The following TTC29 variants were observed in gnomAD, a reference collection of about 807,000 sequenced individuals.
The protein encoded by TTC29 is tetratricopeptide repeat domain 29.
In TTC29, 49 loss-of-function variants were observed where a neutral mutation model predicts 58.1. That is an observed-to-expected ratio of 0.84 (90% CI 0.67 to 1.07). The LOEUF is 1.07. Among genes scored for constraint, TTC29 ranks in the 50% least tolerant of loss-of-function variants. TTC29 has a pLI of 0.00. For missense variants in TTC29, 582 were observed against 555.6 expected (o/e 1.05, Z -0.48); for synonymous variants, 209 against 196.8 (o/e 1.06, Z -0.52).
chr4:146,847,770 G>A (rs375185433), intron 8 of TTC29, among the ~76,000 whole-genome samples: 10 of 152,312 alleles, frequency 6.6e-5, no homozygotes, highest in Admixed American at 3.9e-4. Context: ...CAAATGCATC[G>A]AAAGTTCAGA....
In TTC29 at chr4:146,719,189, G is replaced by GGTGTGTGT. The variant is rs60552473; in HGVS notation, c.1331-11646_1331-11639dup. ...TGCTCATCATTGCCTTGGCTATTGG[G>GGTGTGTGT]GTGTGTGTGTGTGTGTGTGTGTGTG... is the stretch of plus-strand genomic sequence containing the variant. On this transcript the variant is annotated intron_variant, in intron 11 of 12. Transcript: ENST00000325106. 5.4e-3 allele frequency among the ~76,000 whole-genome samples: 780 copies of GGTGTGTGT among 144,170 alleles called. 9 individuals carry two copies. The highest frequency in any genetic ancestry group is 0.018 in the African/African-American group (687 of 38,774). 94.6% of individuals were successfully genotyped at this position (144,170 alleles called of 152,430 possible). A position where few individuals can be genotyped will look rare whatever the true frequency, so the allele number is the denominator to read the frequency against.
At chr4:146,821,679 A>G (rs1751840173) in intron 9 of TTC29, among the ~76,000 whole-genome samples, 1 of 152,212 alleles carries the variant, frequency 6.6e-6, no homozygotes, top group Non-Finnish European at 1.5e-5. Context: ...GCACACATGA[A>G]AGCTAAGCAT....
At chr4:146,939,941 A>T in intron 2 of TTC29, 40 bp from the exon 3 acceptor site, 2 of 1,543,708 alleles carry the variant, frequency 1.3e-6, no homozygotes, top group Non-Finnish European at 1.8e-6. Flanking sequence ...TTTAAGGAAT[A>T]AATCTTTCAA....
intron 6 of TTC29, among the ~76,000 whole-genome samples, chr4:146,886,309 A>C (rs909527889): frequency 6.6e-6 from 1 of 152,100 alleles, no homozygotes. Flanking sequence ...ATGACAAAAA[A>C]CCTGTTAGAA....
At chr4:146,722,580 CCTT>C (rs1438148519) in intron 11 of TTC29, among the ~76,000 whole-genome samples, 2 of 152,086 alleles carry the variant, frequency 1.3e-5, no homozygotes, top group Non-Finnish European at 1.5e-5. Context: ...AAAAAAGACT[CCTT>C]ATTCAATAAA....
At chr4:146,925,097 A>T (rs749141185) in intron 4 of TTC29, among the ~76,000 whole-genome samples, 2 of 152,048 alleles carry the variant, frequency 1.3e-5, no homozygotes, top group Non-Finnish European at 2.9e-5. Flanking sequence ...AAATTGTTTA[A>T]ACATGTTAAA....
At chr4:146,925,706 A>C (rs1396062759) in intron 4 of TTC29, among the ~76,000 whole-genome samples, 1 of 152,174 alleles carries the variant, frequency 6.6e-6, no homozygotes, top group Non-Finnish European at 1.5e-5. Context: ...ATTATAGGAT[A>C]AAAAATTGTT....
rs1030814256 is a variant in TTC29 at position 146,945,022 on chromosome 4, G to A, written c.-7+9C>T. The A allele has an allele frequency of 2.0e-5, 3 of 152,152 alleles. No individual in the cohort carries two copies. Among genetic ancestry groups the A allele is most frequent in the East Asian group, 1.9e-4 (1 of 5,186 alleles). The allele number at this position is 152,152 out of a possible 1,614,324, so 9.4% of individuals were successfully genotyped here. A position where few individuals can be genotyped will look rare whatever the true frequency, so the allele number is the denominator to read the frequency against. On this transcript the variant is annotated intron_variant, in intron 2 of 12. Coordinates refer to ENST00000325106, the MANE Select transcript of TTC29 (RefSeq NM_031956.4). The stretch of plus-strand genomic sequence containing the variant: ...AGTTTGAAGGCAAGCCATATTTCAC[G>A]TGACTTACATTTGCAGATTACTGCT...
chr4:146,771,822 T>TC (rs1747757148), intron 11 of TTC29, among the ~76,000 whole-genome samples: 1 of 151,252 alleles, frequency 6.6e-6, no homozygotes, highest in Non-Finnish European at 1.5e-5. Flanking sequence ...TTAAATTCTT[T>TC]GCCCTGCCTT....
intron 6 of TTC29, among the ~76,000 whole-genome samples, chr4:146,876,873 T>C (rs1731294136): frequency 6.7e-6 from 1 of 149,292 alleles, no homozygotes; most frequent in South Asian, 2.2e-4. Context: ...GAGGTGGAGA[T>C]TGTGGTGAGC....
intron 9 of TTC29, among the ~76,000 whole-genome samples, chr4:146,831,274 T>TA (rs1054997817): frequency 7.2e-5 from 11 of 151,766 alleles, no homozygotes; most frequent in Admixed American, 2.6e-4. Context: ...TTTAATTAAT[T>TA]AAAAAAAATA....
At chr4:146,766,555 T>TA (rs982790297) in intron 11 of TTC29, among the ~76,000 whole-genome samples, 12 of 152,172 alleles carry the variant, frequency 7.9e-5, no homozygotes, top group Non-Finnish European at 1.8e-4. Context: ...ACCTGTCTGA[T>TA]AAAAAAATTA....
chr4:146,710,235 T>C (rs1742380745), intron 11 of TTC29, among the ~76,000 whole-genome samples: 1 of 152,148 alleles, frequency 6.6e-6, no homozygotes, highest in African/African-American at 2.4e-5. Flanking sequence ...TATTATATAC[T>C]ATAGCGTATT....
intron 11 of TTC29, among the ~76,000 whole-genome samples, chr4:146,771,813 T>C (rs1422911669): frequency 6.6e-6 from 1 of 151,176 alleles, no homozygotes; most frequent in Non-Finnish European, 1.5e-5. Flanking sequence ...AGTTCTGTTT[T>C]AAATTCTTTG....
At chr4:146,936,304 T>A (rs975735238) in intron 4 of TTC29, among the ~76,000 whole-genome samples, 1 of 152,210 alleles carries the variant, frequency 6.6e-6, no homozygotes, top group African/African-American at 2.4e-5. Context: ...TCAGTAGACT[T>A]TTAGTATATG....
In TTC29 at chr4:146,901,677, T is replaced by C. The variant is rs1456326839; in HGVS notation, c.586+1867A>G. ...GCATCTTCCCTCTGGAACCCCTTTC[T>C]TCGGATTTTCACAAGGGCTTCTCCC... On this transcript the variant is annotated intron_variant, in intron 6 of 12. Transcript: ENST00000325106. Among the ~76,000 whole-genome samples the C allele has an allele frequency of 2.6e-5, 4 of 152,324 alleles. No homozygotes were observed. The East Asian group carries it at 7.7e-4, about 29-fold the overall frequency.
chr4:146,813,779 T>G (rs1751186198), intron 10 of TTC29, among the ~76,000 whole-genome samples: 1 of 151,650 alleles, frequency 6.6e-6, no homozygotes, highest in South Asian at 2.1e-4. Flanking sequence ...AGGGCAGGAG[T>G]TCGAGACGAA....
intron 11 of TTC29, among the ~76,000 whole-genome samples, chr4:146,725,584 G>A (rs529877456): frequency 2.0e-5 from 3 of 152,122 alleles, no homozygotes; most frequent in Non-Finnish European, 2.9e-5. Flanking sequence ...CTAATTCCAC[G>A]TAACTAAATT....
intron 7 of TTC29, among the ~76,000 whole-genome samples, chr4:146,874,068 T>C (rs1214117347): frequency 6.6e-6 from 1 of 152,100 alleles, no homozygotes; most frequent in Non-Finnish European, 1.5e-5. Context: ...CATACAGAAA[T>C]GATATAGACT....
Sources: allele counts gnomAD v4.1 joint callset (sites outside exome capture counted in the v4.1 genomes callset), GRCh38; gene constraint gnomAD v4.1.1; transcripts MANE v1.5; gene names NCBI Gene and HGNC (gene_info 2026-07-23, HGNC 2026-07-21).